The following PPAT variants were observed in gnomAD, a reference collection of about 807,000 sequenced individuals.
PPAT encodes phosphoribosyl pyrophosphate amidotransferase.
Under a neutral mutation model 60.2 loss-of-function variants are expected in PPAT, and 20 were observed. The ratio of observed to expected loss-of-function variants is 0.33; its 90% CI spans 0.23 to 0.48. PPAT has a LOEUF of 0.48. Ranked by LOEUF, PPAT falls within the 20% of genes least tolerant of loss-of-function variation. The pLI is 0.99. For synonymous variants in PPAT, 194 were observed against 215.1 expected, an observed-to-expected ratio of 0.90 and a Z score of 0.86; for missense variants, 349 against 629.6, an observed-to-expected ratio of 0.55 and a Z score of 4.77.
rs1455332641 is a variant in PPAT at position 56,394,599 on chromosome 4, C to CT, written c.*752dup. 4 of 152,086 alleles carry CT rather than the reference C, an allele frequency of 2.6e-5. No homozygotes were observed. Among genetic ancestry groups the CT allele is most frequent in the Non-Finnish European group, 4.4e-5 (3 of 68,004 alleles). 9.4% of individuals were successfully genotyped at this position (152,086 alleles called of 1,614,324 possible). A position where few individuals can be genotyped will look rare whatever the true frequency, so the allele number is the denominator to read the frequency against. ...AACTTTTTCACAGATTTTTACAACCCTTTTTAGGACATCTCAAAGAGAGAT... is the reference window on the plus strand; with the variant it reads ...AACTTTTTCACAGATTTTTACAACCCTTTTTTAGGACATCTCAAAGAGAGAT... On this transcript the variant is annotated 3_prime_UTR_variant, in exon 11 of 11. Coordinates refer to ENST00000264220, the MANE Select transcript of PPAT (RefSeq NM_002703.5).
In PPAT at chr4:56,407,671, C is replaced by T. The variant is rs1414150446; in HGVS notation, c.174G>A (p.Val58=). 39 of 1,605,334 alleles carry T rather than the reference C, an allele frequency of 2.4e-5. No homozygotes were observed. In the East Asian group the frequency reaches 8.7e-4, roughly 36 times the overall value. Residue 58 remains valine (V), a synonymous_variant, in exon 2 of 11, where the codon GTG becomes GTA. Coordinates refer to ENST00000264220, the MANE Select transcript of PPAT (RefSeq NM_002703.5). ...AGIVTSDGSS[V]PTFKSHKGMG... is the part of the protein sequence containing the mutation. ...TTACCTTGTGTGATTTGAATGTTGG[C>T]ACCGAACTCCCATCACTAGTCACAA...
chr4:56,423,775 G>A (rs1156771212), intron 1 of PPAT, among the ~76,000 whole-genome samples: 1 of 151,828 alleles, frequency 6.6e-6, no homozygotes. Flanking sequence ...ATTTTAAACT[G>A]TCACATGAAA....
At position 56,410,924 on chromosome 4, in the gene PPAT, A is replaced by G. The variant is rs956906537; in HGVS notation, c.129-3208T>C. ...TAAAAAAAAAAAAAAAAAAAAAAAAAAAAAGAAAAGTACTCTTGTTTTTCT... is the reference window on the plus strand; with the variant it reads ...TAAAAAAAAAAAAAAAAAAAAAAAAGAAAAGAAAAGTACTCTTGTTTTTCT... On this transcript the variant is annotated intron_variant, in intron 1 of 10. Transcript: ENST00000264220. 757 of 901,106 alleles carry G rather than the reference A, an allele frequency of 8.4e-4. 4 individuals carry two copies. The highest frequency in any genetic ancestry group is 1.4e-3 in the African/African-American group (76 of 54,466). 55.8% of individuals were successfully genotyped at this position (901,106 alleles called of 1,614,324 possible).
At position 56,434,633 on chromosome 4, in the gene PPAT, G is replaced by A. The variant is rs531544734; in HGVS notation, c.128+717C>T. Reference sequence around the variant, plus strand: ...CCCTGTCCCCCTTTTGAAGAAGGGAGTTAATTTTTGTCATGTTATTACCAA... The same window carrying A: ...CCCTGTCCCCCTTTTGAAGAAGGGAATTAATTTTTGTCATGTTATTACCAA... On this transcript the variant is annotated intron_variant, in intron 1 of 10. Coordinates refer to ENST00000264220, the MANE Select transcript of PPAT (RefSeq NM_002703.5). Among the ~76,000 whole-genome samples, 28 of 152,312 alleles carry A rather than the reference G, an allele frequency of 1.8e-4. No individual in the cohort carries two copies. In the South Asian group the frequency reaches 5.8e-3, roughly 32 times the overall value.
chr4:56,399,491 G>A (rs551688145), intron 8 of PPAT, 91 bp from the exon 9 acceptor site: 2 of 987,054 alleles, frequency 2.0e-6, no homozygotes, highest in South Asian at 2.0e-5. Context: ...CAATATTCAA[G>A]TAAAATTTCA....
At chr4:56,420,337 ATAATTTTCCACATG>A (rs1716976126) in intron 1 of PPAT, 1 of 152,234 alleles carries the variant, frequency 6.6e-6, no homozygotes, top group South Asian at 2.1e-4. Context: ...GGTCAAGTGT[ATAATTTTCCACATG>A]TAGCATCATG....
At chr4:56,427,424 T>C (rs575761608) in intron 1 of PPAT, among the ~76,000 whole-genome samples, 1 of 152,322 alleles carries the variant, frequency 6.6e-6, no homozygotes, top group East Asian at 1.9e-4. Context: ...AGGAACTACC[T>C]GTTTTCCACC....
Position 56,435,548 on chromosome 4 carries a change from C to A in PPAT, c.-71G>T. 6.2e-7 allele frequency: 1 copy of A among 1,607,534 alleles called. No individual in the cohort carries two copies. Among genetic ancestry groups the A allele is most frequent in the East Asian group, 2.2e-5 (1 of 44,826 alleles). On this transcript the variant is annotated 5_prime_UTR_variant, in exon 1 of 11. Transcript: ENST00000264220. ...TGTAAGCACCAACCAGCTGCCAGCT[C>A]GGCCCGTCGAGCTCAGAAGCTCGCG...
At chr4:56,410,899 TAAAAAAAAAAAAAAAAAA>T in intron 1 of PPAT, 5 of 676,422 alleles carry the variant, frequency 7.4e-6, no homozygotes, top group Middle Eastern at 7.6e-4. Flanking sequence ...CCACTGAAGG[TAAAAAAAAAAAAAAAAAA>T]AAAAAAAAAA....
intron 1 of PPAT, among the ~76,000 whole-genome samples, chr4:56,427,142 G>C (rs1249965407): frequency 6.6e-6 from 1 of 152,100 alleles, no homozygotes; most frequent in Non-Finnish European, 1.5e-5. Flanking sequence ...TGGTTATCTG[G>C]GTTGTTTCTG....
At position 56,406,457 on chromosome 4, in the gene PPAT, T is replaced by C. The variant is rs368310586; in HGVS notation, c.402+38A>G. Reference sequence around the variant, plus strand: ...TTTATTCATTAACCCATCCTAATCATTTAAAAAGGCCTAGGGAAAACAAAC... The same window carrying C: ...TTTATTCATTAACCCATCCTAATCACTTAAAAAGGCCTAGGGAAAACAAAC... On this transcript the variant is annotated intron_variant, in intron 3 of 10. Transcript: ENST00000264220. 121 of 1,578,506 alleles carry C rather than the reference T, an allele frequency of 7.7e-5. No homozygotes were observed. The highest frequency in any genetic ancestry group is 1.0e-4 in the Non-Finnish European group (116 of 1,150,038).
chr4:56,419,780 G>T lies in PPAT; in HGVS notation c.129-12064C>A, dbSNP rs183522942. 1.0e-3 allele frequency: 1,011 copies of T among 984,798 alleles called. 35 individuals are homozygous for T. In the South Asian group the frequency reaches 0.035, roughly 34 times the overall value. The allele number at this position is 984,798 out of a possible 1,614,324, so 61.0% of individuals were successfully genotyped here. A position where few individuals can be genotyped will look rare whatever the true frequency, so the allele number is the denominator to read the frequency against. On this transcript the variant is annotated intron_variant, in intron 1 of 10. Transcript: ENST00000264220. ...TAGAGGGAACAGTGAGAAATAAGAG[G>T]ATATTTCAACAAATTGCAGCCAAGC...
intron 2 of PPAT, 94 bp from the exon 3 acceptor site, chr4:56,406,795 C>G: frequency 1.2e-6 from 1 of 828,788 alleles, no homozygotes; most frequent in South Asian, 1.7e-5. Flanking sequence ...CCAAATAAGA[C>G]AAAGAAGTAC....
rs1400982802 is a variant in PPAT, at chr4:56,396,984, A to G, written c.1237-245T>C. ...TTCCTAGAGCCACTTTTCTCTTGTA[A>G]TACCAGGTACTTCTGCTTATCCCTT... is the stretch of plus-strand genomic sequence containing the variant. On this transcript the variant is annotated intron_variant, in intron 9 of 10. Transcript: ENST00000264220. The surrounding 1 kb of genome is among the most constrained non-coding windows in gnomAD (Gnocchi z 4.6). 3.6e-6 allele frequency: 1 copy of G among 280,046 alleles called. No homozygotes were observed. The highest frequency in any genetic ancestry group is 6.6e-6 in the Non-Finnish European group (1 of 152,046). 17.3% of individuals were successfully genotyped at this position (280,046 alleles called of 1,614,324 possible).
At chr4:56,435,291 G>C in intron 1 of PPAT, 59 bp downstream of exon 1, 8 of 1,604,846 alleles carry the variant, frequency 5.0e-6, no homozygotes, top group Non-Finnish European at 6.8e-6. Flanking sequence ...CGCCGACTGC[G>C]GGAAGCGGCT....
At chr4:56,430,257 A>T (rs1717512658) in intron 1 of PPAT, among the ~76,000 whole-genome samples, 1 of 152,196 alleles carries the variant, frequency 6.6e-6, no homozygotes, top group African/African-American at 2.4e-5. Flanking sequence ...CAGAAGTGGA[A>T]GGCAGGGTCA....
chr4:56,425,118 G>A (rs76243732), intron 1 of PPAT, among the ~76,000 whole-genome samples: 1 of 152,262 alleles, frequency 6.6e-6, no homozygotes, highest in African/African-American at 2.4e-5. Context: ...GAGATGGCCA[G>A]CAGGGGGCAT....
chr4:56,398,161 G>A (rs1716027233), intron 9 of PPAT, among the ~76,000 whole-genome samples: 1 of 152,152 alleles, frequency 6.6e-6, no homozygotes, highest in Admixed American at 6.5e-5. Flanking sequence ...CTGAGTCCAG[G>A]AGCTCAAGAC....
rs1217209371 is a variant in PPAT, at chr4:56,396,776, CTA to C, written c.1237-39_1237-38del. ...ATCATTGCACACAAGGTTTTTAAGA[CTA>C]TGCAAAATTCTTTCATTGTGCAAAT... On this transcript the variant is annotated intron_variant, in intron 9 of 10. Transcript: ENST00000264220. This position sits in a 1 kb window ranked among gnomAD's most constrained non-coding sequence, Gnocchi z 4.6. 9 of 1,579,968 alleles carry C rather than the reference CTA, an allele frequency of 5.7e-6. No homozygotes were observed. The highest frequency in any genetic ancestry group is 4.1e-5 in the African/African-American group (3 of 73,252).
Sources: allele counts gnomAD v4.1 joint callset (sites outside exome capture counted in the v4.1 genomes callset), GRCh38; gene constraint gnomAD v4.1.1; non-coding constraint Gnocchi (gnomAD v3.1); transcripts MANE v1.5; gene names NCBI Gene and HGNC (gene_info 2026-07-23, HGNC 2026-07-21).